Variants in TFDP2 observed in about 807,000 individuals in gnomAD.
TFDP2 encodes transcription factor Dp-2 (E2F dimerization partner 2).
A neutral mutation model predicts 59.3 loss-of-function variants in TFDP2; 17 were observed. The observed-to-expected ratio is 0.29, with a 90% CI of 0.20 to 0.43. TFDP2 has a LOEUF of 0.43. TFDP2 is among the 20% of genes least tolerant of loss of function. The pLI is 1.00. For synonymous variants in TFDP2, 180 were observed against 194.7 expected (o/e 0.92, Z 0.63); for missense variants, 391 against 528.8 (o/e 0.74, Z 2.56).
chr3:142,064,189 C>T (rs577488673), intron 3 of TFDP2, among the ~76,000 whole-genome samples: 20 of 152,214 alleles, frequency 1.3e-4, no homozygotes, highest in African/African-American at 4.3e-4. Context: ...TGGGCTCAAG[C>T]GATCTGTCCA....
At chr3:142,056,854 A>G (rs1315683380) in intron 3 of TFDP2, among the ~76,000 whole-genome samples, 1 of 152,214 alleles carries the variant, frequency 6.6e-6, no homozygotes, top group Non-Finnish European at 1.5e-5. Flanking sequence ...AGATGACTAC[A>G]GCCCTGGCCA....
At chr3:142,063,885 G>C (rs546466869) in intron 3 of TFDP2, among the ~76,000 whole-genome samples, 1 of 152,136 alleles carries the variant, frequency 6.6e-6, no homozygotes, top group African/African-American at 2.4e-5. Context: ...GGAAAATCAG[G>C]CTGATCCTAC....
chr3:142,130,824 G>A (rs1374706395), intron 1 of TFDP2, among the ~76,000 whole-genome samples: 5 of 152,004 alleles, frequency 3.3e-5, no homozygotes, highest in Non-Finnish European at 5.9e-5. Context: ...GGCCGAAGGG[G>A]ATGGCTCACC....
intron 6 of TFDP2, among the ~76,000 whole-genome samples, chr3:141,979,732 G>A (rs780463222): frequency 1.3e-4 from 20 of 152,024 alleles, no homozygotes; most frequent in Admixed American, 4.6e-4. Flanking sequence ...GGGATTACAG[G>A]TGTGCACCAC....
intron 3 of TFDP2, among the ~76,000 whole-genome samples, chr3:142,047,834 C>T (rs1404844767): frequency 6.6e-6 from 1 of 151,286 alleles, no homozygotes; most frequent in Admixed American, 6.6e-5. Flanking sequence ...CTCCGCCTCC[C>T]GGGTTCAAGT....
At chr3:142,137,981 T>C (rs62282060) in intron 1 of TFDP2, among the ~76,000 whole-genome samples, 28,154 of 152,142 alleles carry the variant, frequency 0.19, 2,880 homozygotes, top group African/African-American at 0.25. Context: ...CTGGTAGAAT[T>C]TGGCTGTGAA....
intron 1 of TFDP2, among the ~76,000 whole-genome samples, chr3:142,127,656 A>G (rs2062323633): frequency 6.6e-6 from 1 of 151,816 alleles, no homozygotes; most frequent in African/African-American, 2.4e-5. Context: ...TTTTTTAATA[A>G]AACTTTTTGT....
intron 8 of TFDP2, among the ~76,000 whole-genome samples, chr3:141,972,938 T>C (rs1488337116): frequency 6.6e-6 from 1 of 151,790 alleles, no homozygotes; most frequent in Non-Finnish European, 1.5e-5. Flanking sequence ...GGAGGATATT[T>C]CCACTGTAGC....
At chr3:142,056,061 C>T (rs2059732589) in intron 3 of TFDP2, among the ~76,000 whole-genome samples, 1 of 147,056 alleles carries the variant, frequency 6.8e-6, no homozygotes, top group Non-Finnish European at 1.5e-5. Flanking sequence ...TCAAGCGATT[C>T]TCCTGCCTCA....
intron 1 of TFDP2, among the ~76,000 whole-genome samples, chr3:142,145,039 T>C (rs1017968184): frequency 1.3e-5 from 2 of 152,172 alleles, no homozygotes; most frequent in African/African-American, 4.8e-5. Context: ...GTACATTACC[T>C]TTTTGCTTCA....
chr3:142,058,701 G>A (rs535267104), intron 3 of TFDP2, among the ~76,000 whole-genome samples: 2 of 152,090 alleles, frequency 1.3e-5, no homozygotes, highest in Non-Finnish European at 2.9e-5. Flanking sequence ...TGGGGCAGGG[G>A]TAGGGGGTGG....
intron 3 of TFDP2, among the ~76,000 whole-genome samples, chr3:142,031,823 A>G (rs1443114412): frequency 6.6e-6 from 1 of 152,206 alleles, no homozygotes; most frequent in East Asian, 1.9e-4. Context: ...AAATAACACT[A>G]TAATAGTGTA....
intron 11 of TFDP2, among the ~76,000 whole-genome samples, chr3:141,957,787 G>A (rs1299928209): frequency 6.6e-6 from 1 of 152,182 alleles, no homozygotes; most frequent in Non-Finnish European, 1.5e-5. Context: ...GTGACACAAA[G>A]TAGATTAGTG....
intron 4 of TFDP2, among the ~76,000 whole-genome samples, chr3:142,001,676 C>T (rs1446275414): frequency 6.6e-6 from 1 of 152,118 alleles, no homozygotes; most frequent in Non-Finnish European, 1.5e-5. Context: ...TAAATTATAT[C>T]TTTAATTCAT....
chr3:142,131,150 A>G (rs2062489904), intron 1 of TFDP2, among the ~76,000 whole-genome samples: 2 of 150,070 alleles, frequency 1.3e-5, no homozygotes, highest in South Asian at 4.1e-4. Context: ...AAAAAAGATG[A>G]CGTGTCTCTA....
rs1461374793 is a variant in TFDP2 at position 141,945,570 on chromosome 3, G to A, written c.*6943C>T. 1 of 152,268 alleles carries A rather than the reference G, an allele frequency of 6.6e-6. No individual in the cohort carries two copies. Among genetic ancestry groups the A allele is most frequent in the Non-Finnish European group, 1.5e-5 (1 of 68,072 alleles). 9.4% of individuals were successfully genotyped at this position (152,268 alleles called of 1,614,324 possible). A position where few individuals can be genotyped will look rare whatever the true frequency, so the allele number is the denominator to read the frequency against. On this transcript the variant is annotated 3_prime_UTR_variant, in exon 13 of 13. Transcript: ENST00000489671. ...GTTAGTGGGTGGTTCCATTTTTCAG[G>A]ACACTGAGAGGTTGAACCTGCCATG...
At chr3:141,958,307 A>T (rs1458506553) in intron 11 of TFDP2, among the ~76,000 whole-genome samples, 2 of 152,242 alleles carry the variant, frequency 1.3e-5, no homozygotes, top group East Asian at 3.8e-4. Context: ...ACACAGGAGT[A>T]AGAATGTATG....
intron 3 of TFDP2, among the ~76,000 whole-genome samples, chr3:142,045,788 CTTT>C (rs953589461): frequency 7.2e-6 from 1 of 139,426 alleles, no homozygotes. Context: ...AATTTTTGTA[CTTT>C]TTTTTTTTTT....
At chr3:141,997,995 G>T (rs914297150) in intron 4 of TFDP2, among the ~76,000 whole-genome samples, 1 of 151,686 alleles carries the variant, frequency 6.6e-6, no homozygotes, top group African/African-American at 2.4e-5. Flanking sequence ...CTCCCTCATT[G>T]TCAGATTGTT....
Sources: gnomAD v4.1 joint callset for allele counts (sites outside exome capture counted in the v4.1 genomes callset) on GRCh38, gnomAD v4.1.1 for gene constraint, MANE v1.5 for transcripts, NCBI Gene and HGNC (gene_info 2026-07-23, HGNC 2026-07-21) for gene names.